Variants in ITPR2 observed in about 807,000 individuals in gnomAD.
ITPR2 encodes the protein inositol 1,4,5-trisphosphate-gated calcium channel ITPR2.
Under a neutral mutation model 317.1 loss-of-function variants are expected in ITPR2, and 207 were observed. That is an observed-to-expected ratio of 0.65 (90% CI 0.58 to 0.73). ITPR2 has a LOEUF of 0.73. ITPR2 is among the 30% of genes least tolerant of loss of function. The pLI is 0.00. For synonymous variants in ITPR2, 1,156 were observed against 1,149.1 expected, an observed-to-expected ratio of 1.01 and a Z score of -0.12; for missense variants, 2,613 against 3,284.0, an observed-to-expected ratio of 0.80 and a Z score of 4.99.
intron 2 of ITPR2, among the ~76,000 whole-genome samples, chr12:26,764,743 C>T (rs1949691007): frequency 6.6e-6 from 1 of 151,870 alleles, no homozygotes; most frequent in Non-Finnish European, 1.5e-5. Flanking sequence ...AAGACCTGAA[C>T]AGACACCTTA....
At chr12:26,645,469 T>C (rs577719751) in intron 21 of ITPR2, among the ~76,000 whole-genome samples, 1 of 152,222 alleles carries the variant, frequency 6.6e-6, no homozygotes, top group African/African-American at 2.4e-5. Context: ...GATGGGTAAG[T>C]GTGGGGAACA....
chr12:26,512,259 T>C (rs6487556), intron 37 of ITPR2, among the ~76,000 whole-genome samples: 63,265 of 151,092 alleles, frequency 0.42, 14,823 homozygotes, highest in Non-Finnish European at 0.53. Context: ...GGCCTCCAGA[T>C]CTTTACCCTA....
intron 37 of ITPR2, among the ~76,000 whole-genome samples, chr12:26,539,435 A>G (rs1944196903): frequency 6.6e-6 from 1 of 151,928 alleles, no homozygotes. Flanking sequence ...TTCCTGGTTC[A>G]AAGCCTACAT....
At chr12:26,805,243 C>A (rs1265018102) in intron 1 of ITPR2, among the ~76,000 whole-genome samples, 1 of 152,116 alleles carries the variant, frequency 6.6e-6, no homozygotes, top group Non-Finnish European at 1.5e-5. Flanking sequence ...GTTTCTCTGG[C>A]CTAACTACAA....
Position 26,832,670 on chromosome 12 carries a change from AGCCCTCGTCTCCC to A in ITPR2, c.92+7_92+19del. 1 of 1,574,364 alleles carries A rather than the reference AGCCCTCGTCTCCC, an allele frequency of 6.4e-7. No individual in the cohort carries two copies. On this transcript the variant is annotated splice_region_variant and intron_variant, in intron 1 of 56. Transcript: ENST00000381340. ...AGGACCCGGAGCGCGAGCGCTGCCCAGCCCTCGTCTCCCGCTTACCCCAAGGTGCTGATGAAGC... is the reference window on the plus strand; with the variant it reads ...AGGACCCGGAGCGCGAGCGCTGCCCAGCTTACCCCAAGGTGCTGATGAAGC...
chr12:26,471,986 T>C (rs1032375919), intron 45 of ITPR2, among the ~76,000 whole-genome samples: 2 of 152,234 alleles, frequency 1.3e-5, no homozygotes, highest in Non-Finnish European at 2.9e-5. Flanking sequence ...GGGATTGGCC[T>C]GCTAAGAAAC....
intron 1 of ITPR2, among the ~76,000 whole-genome samples, chr12:26,794,084 G>T (rs1950387947): frequency 6.6e-6 from 1 of 151,960 alleles, no homozygotes; most frequent in Admixed American, 6.6e-5. Context: ...TCTTCATAAG[G>T]TCATAACTGT....
intron 26 of ITPR2, among the ~76,000 whole-genome samples, chr12:26,612,086 T>A (rs1946281091): frequency 6.6e-6 from 1 of 152,168 alleles, no homozygotes; most frequent in African/African-American, 2.4e-5. Context: ...TTATAAGAGA[T>A]CAAGTATGGT....
chr12:26,557,132 T>G (rs1469301217), intron 35 of ITPR2, among the ~76,000 whole-genome samples: 1 of 152,182 alleles, frequency 6.6e-6, no homozygotes, highest in Non-Finnish European at 1.5e-5. Flanking sequence ...AATGAATCAT[T>G]TCATCCAATG....
intron 36 of ITPR2, among the ~76,000 whole-genome samples, chr12:26,551,757 A>G (rs540470119): frequency 6.6e-6 from 1 of 152,352 alleles, no homozygotes; most frequent in South Asian, 2.1e-4. Flanking sequence ...AGGGAATGGT[A>G]TGAACACAGG....
intron 45 of ITPR2, among the ~76,000 whole-genome samples, chr12:26,454,347 A>G (rs2101287): frequency 0.88 from 133,597 of 152,076 alleles, 58,761 homozygotes; most frequent in Non-Finnish European, 0.9. Context: ...TGAGACTACA[A>G]GCACGCACCA....
chr12:26,758,772 T>C (rs1449568), intron 2 of ITPR2, among the ~76,000 whole-genome samples: 60,513 of 152,120 alleles, frequency 0.4, 13,576 homozygotes, highest in Non-Finnish European at 0.53. Context: ...ACGAGGTATA[T>C]GGATGGCAGA....
rs186456559 is a variant in ITPR2 at position 26,485,518 on chromosome 12, G to A, written c.5811+586C>T. ...CTGTGTACAAACAATGCAAAAAAGA[G>A]GCCAAAATTCAGAAATTCATAGGCA... On this transcript the variant is annotated intron_variant, in intron 41 of 56. Transcript: ENST00000381340. 5.9e-5 allele frequency among the ~76,000 whole-genome samples: 9 copies of A among 152,208 alleles called. No individual in the cohort carries two copies. In the East Asian group the frequency reaches 1.4e-3, roughly 23 times the overall value.
At chr12:26,685,124 T>G (rs1322254093) in intron 11 of ITPR2, among the ~76,000 whole-genome samples, 1 of 152,144 alleles carries the variant, frequency 6.6e-6, no homozygotes, top group African/African-American at 2.4e-5. Context: ...CATAGGTGCC[T>G]TCAGCTTCAC....
chr12:26,582,587 TA>T (rs1291334971), intron 32 of ITPR2, among the ~76,000 whole-genome samples: 1 of 152,194 alleles, frequency 6.6e-6, no homozygotes. Flanking sequence ...CTTATCTTCT[TA>T]GTTATTTCCT....
At chr12:26,579,170 T>C (rs751660719) in intron 33 of ITPR2, among the ~76,000 whole-genome samples, 2 of 152,158 alleles carry the variant, frequency 1.3e-5, no homozygotes, top group Non-Finnish European at 2.9e-5. Context: ...TCTGGGTTGG[T>C]TGGTTTGTTT....
At chr12:26,711,130 T>C in intron 9 of ITPR2, 43 bp downstream of exon 9, 6 of 1,371,770 alleles carry the variant, frequency 4.4e-6, no homozygotes, top group Non-Finnish European at 6.3e-6. Context: ...CTTTCACTAA[T>C]TCAGAGTCAG....
chr12:26,663,940 T>A, intron 14 of ITPR2, 94 bp from the exon 15 acceptor site: 2 of 1,153,958 alleles, frequency 1.7e-6, no homozygotes, highest in Admixed American at 5.0e-5. Flanking sequence ...CAAAAAACAC[T>A]TATATAAATT....
At chr12:26,534,352 T>C (rs1424399548) in intron 37 of ITPR2, among the ~76,000 whole-genome samples, 1 of 152,198 alleles carries the variant, frequency 6.6e-6, no homozygotes. Flanking sequence ...CACTTGCCAA[T>C]AGATCTCAGA....
Sources: allele counts gnomAD v4.1 joint callset (sites outside exome capture counted in the v4.1 genomes callset), GRCh38; gene constraint gnomAD v4.1.1; transcripts MANE v1.5; gene names NCBI Gene and HGNC (gene_info 2026-07-23, HGNC 2026-07-21).